The following N4BP2 variants were observed in gnomAD, a reference collection of about 807,000 sequenced individuals.
N4BP2 encodes NEDD4-binding protein 2.
In N4BP2, 91 loss-of-function variants were observed where a neutral mutation model predicts 152.8. That is an observed-to-expected ratio of 0.60 (90% CI 0.50 to 0.71). The LOEUF (loss-of-function observed/expected upper bound fraction) is 0.71, where lower values mean the gene tolerates loss of function less well. N4BP2 is among the 30% of genes least tolerant of loss of function. The pLI is 0.00. For missense variants in N4BP2, 1,923 were observed against 2,059.1 expected (o/e 0.93, Z 1.28); for synonymous variants, 646 against 705.3 (o/e 0.92, Z 1.33).
chr4:40,144,101 T>C (rs1259178160), intron 15 of N4BP2, among the ~76,000 whole-genome samples: 2 of 151,570 alleles, frequency 1.3e-5, no homozygotes, highest in Non-Finnish European at 2.9e-5. Flanking sequence ...TTCCACAGTC[T>C]AAAAGCTGAA....
Position 40,147,763 on chromosome 4 carries a change from C to T in N4BP2, c.5143+2963C>T, listed in dbSNP as rs536610985. Among the ~76,000 whole-genome samples, 62 of 152,056 alleles carry T rather than the reference C, an allele frequency of 4.1e-4. 2 individuals carry two copies. The South Asian group carries it at 0.013, about 31-fold the overall frequency. On this transcript the variant is annotated intron_variant, in intron 16 of 17. Transcript: ENST00000261435. ...GGCTGCCGGGCGGAGGGGCTTCTCACTTCTCAGATGGGGCGGCTGCTGGGC... is the reference window on the plus strand; with the variant it reads ...GGCTGCCGGGCGGAGGGGCTTCTCATTTCTCAGATGGGGCGGCTGCTGGGC...
At chr4:40,141,958 CGTGCCTGCA>C (rs1720029780) in intron 14 of N4BP2, among the ~76,000 whole-genome samples, 2 of 152,010 alleles carry the variant, frequency 1.3e-5, no homozygotes, top group South Asian at 2.1e-4. Context: ...CGTGGTGGCG[CGTGCCTGCA>C]ATGGCAGGCA....
intron 3 of N4BP2, among the ~76,000 whole-genome samples, chr4:40,099,378 G>T (rs1460790647): frequency 1.3e-5 from 2 of 152,096 alleles, no homozygotes; most frequent in Non-Finnish European, 2.9e-5. Context: ...AAGTAGCTGG[G>T]ATTACAGGCG....
chr4:40,129,223 T>G (rs1256899772), intron 12 of N4BP2, among the ~76,000 whole-genome samples: 1 of 149,888 alleles, frequency 6.7e-6, no homozygotes, highest in Non-Finnish European at 1.5e-5. Context: ...TAGTTTTTAT[T>G]TTGTTTTGTT....
At chr4:40,099,253 G>GT (rs1216237668) in intron 3 of N4BP2, among the ~76,000 whole-genome samples, 1 of 151,986 alleles carries the variant, frequency 6.6e-6, no homozygotes, top group Admixed American at 6.6e-5. Flanking sequence ...AAGATTTTTT[G>GT]TTTTTTGAGA....
chr4:40,186,955 G>T, the N4BP2 span, among the ~76,000 whole-genome samples: 1 of 152,140 alleles, frequency 6.6e-6, no homozygotes, highest in East Asian at 1.9e-4. Flanking sequence ...TTATAAATAA[G>T]TACTCATTTT....
chr4:40,176,863 C>A, the N4BP2 span, among the ~76,000 whole-genome samples: 1 of 152,226 alleles, frequency 6.6e-6, no homozygotes, highest in Non-Finnish European at 1.5e-5. Flanking sequence ...GGGATTCAAA[C>A]TGCGTGCGGG....
At chr4:40,113,874 G>A (rs1717122014) in intron 7 of N4BP2, among the ~76,000 whole-genome samples, 1 of 152,104 alleles carries the variant, frequency 6.6e-6, no homozygotes, top group South Asian at 2.1e-4. Context: ...CCACAGGTGT[G>A]AGCCACCATG....
chr4:40,108,081 C>T (rs1448824222), intron 5 of N4BP2, among the ~76,000 whole-genome samples: 2 of 151,856 alleles, frequency 1.3e-5, no homozygotes, highest in Non-Finnish European at 2.9e-5. Flanking sequence ...GTGTGTGATA[C>T]CATGCCTGGC....
intron 2 of N4BP2, among the ~76,000 whole-genome samples, chr4:40,084,576 C>T (rs142161101): frequency 2.7e-5 from 4 of 150,590 alleles, no homozygotes; most frequent in Non-Finnish European, 4.4e-5. Context: ...GCTGGGATTA[C>T]AGGCATGCAC....
In N4BP2 at chr4:40,067,872, G is replaced by A. The variant is rs370997420; in HGVS notation, c.-211-5583G>A. On this transcript the variant is annotated intron_variant, in intron 1 of 17. Transcript: ENST00000261435. Reference sequence around the variant, plus strand: ...TTCTTGTAGTTTTAGTAGAGATGGCGTTTTACCATGTTGGCCAGGCTGGTC... The same window carrying A: ...TTCTTGTAGTTTTAGTAGAGATGGCATTTTACCATGTTGGCCAGGCTGGTC... Among the ~76,000 whole-genome samples the A allele has an allele frequency of 6.6e-5, 10 of 152,050 alleles. No homozygotes were observed. In the East Asian group the frequency reaches 1.4e-3, roughly 21 times the overall value.
chr4:40,097,890 G>A (rs1715244930), intron 3 of N4BP2, among the ~76,000 whole-genome samples: 1 of 152,076 alleles, frequency 6.6e-6, no homozygotes, highest in Non-Finnish European at 1.5e-5. Context: ...TTTATTTTGA[G>A]TGGCTCTCCT....
At chr4:40,087,690 A>C (rs974696486) in intron 2 of N4BP2, among the ~76,000 whole-genome samples, 24 of 150,030 alleles carry the variant, frequency 1.6e-4, no homozygotes, top group African/African-American at 4.9e-4. Flanking sequence ...CCCTCCGCCC[A>C]AAAAAAAGGA....
chr4:40,089,479 CA>C (rs1483134105), intron 2 of N4BP2, among the ~76,000 whole-genome samples: 1 of 148,230 alleles, frequency 6.7e-6, no homozygotes, highest in East Asian at 2.0e-4. Flanking sequence ...CTCTGTCACC[CA>C]GGCTGGAGTG....
At chr4:40,074,276 C>T (rs558100178) in intron 2 of N4BP2, among the ~76,000 whole-genome samples, 4 of 152,154 alleles carry the variant, frequency 2.6e-5, no homozygotes, top group East Asian at 3.9e-4. Context: ...TTTTTAGTAG[C>T]GATGGGGTTT....
intron 12 of N4BP2, among the ~76,000 whole-genome samples, chr4:40,129,146 T>C (rs944741931): frequency 1.4e-4 from 22 of 152,208 alleles, no homozygotes; most frequent in Admixed American, 1.4e-3. Flanking sequence ...CCTTTTGGGC[T>C]CAAGCCATCC....
At chr4:40,064,618 T>C (rs889126820) in intron 1 of N4BP2, among the ~76,000 whole-genome samples, 15 of 152,194 alleles carry the variant, frequency 9.9e-5, no homozygotes, top group East Asian at 3.8e-4. Flanking sequence ...AAAACACTTA[T>C]CTGCAAGATG....
intron 16 of N4BP2, among the ~76,000 whole-genome samples, chr4:40,150,186 C>T (rs10010148): frequency 0.33 from 50,720 of 151,830 alleles, 8,614 homozygotes; most frequent in South Asian, 0.48. Flanking sequence ...AAAAGAGAGA[C>T]ATCTGGACCT....
chr4:40,115,483 G>A (rs1717258071), intron 7 of N4BP2, among the ~76,000 whole-genome samples: 1 of 152,160 alleles, frequency 6.6e-6, no homozygotes, highest in South Asian at 2.1e-4. Flanking sequence ...GCAACAGAGC[G>A]AGACTCTGTC....
Sources: gnomAD v4.1 joint callset for allele counts (sites outside exome capture counted in the v4.1 genomes callset) on GRCh38, gnomAD v4.1.1 for gene constraint, MANE v1.5 for transcripts, NCBI Gene and HGNC (gene_info 2026-07-23, HGNC 2026-07-21) for gene names.